Variants in ERC1 observed in about 807,000 individuals in gnomAD.
The protein encoded by ERC1 is ELKS/RAB6-interacting/CAST family member 1, also known as RAB6 interacting protein 2.
A neutral mutation model predicts 132.0 loss-of-function variants in ERC1; 56 were observed. The ratio of observed to expected loss-of-function variants is 0.42; its 90% confidence interval spans 0.34 to 0.53. The LOEUF (loss-of-function observed/expected upper bound fraction) is 0.53. ERC1 is among the 20% of genes least tolerant of loss of function. The pLI is 0.03. For missense variants in ERC1, 1,202 were observed against 1,349.9 expected, an observed-to-expected ratio of 0.89 and a Z score of 1.72; for synonymous variants, 478 against 476.1, an observed-to-expected ratio of 1.00 and a Z score of -0.05.
At chr12:1,075,746 A>C (rs1427591477) in intron 2 of ERC1, among the ~76,000 whole-genome samples, 1 of 152,182 alleles carries the variant, frequency 6.6e-6, no homozygotes, top group Non-Finnish European at 1.5e-5. Flanking sequence ...AAAAAAAAGA[A>C]AATCACAAGG....
At chr12:1,374,282 G>A (rs1279611767) in intron 16 of ERC1, among the ~76,000 whole-genome samples, 1 of 152,186 alleles carries the variant, frequency 6.6e-6, no homozygotes, top group African/African-American at 2.4e-5. Context: ...GCGTTCACAT[G>A]TGATTCCTAT....
chr12:1,132,698 G>C (rs1308198465), intron 7 of ERC1, among the ~76,000 whole-genome samples: 1 of 120,140 alleles, frequency 8.3e-6, no homozygotes, highest in South Asian at 3.4e-4. Flanking sequence ...ACAGATCCAT[G>C]TCCCGCAGAT....
rs1005957949 is a variant in ERC1 at position 1,313,068 on chromosome 12, G to T, written c.2780+23056G>T. On this transcript the variant is annotated intron_variant, in intron 15 of 18. Transcript: ENST00000360905. ...TTATTCTATTAATAGGCAATTTGGG[G>T]CTGCTACAGTGGCTCCATGATACCA... is the stretch of plus-strand genomic sequence containing the variant. Among the ~76,000 whole-genome samples the T allele has an allele frequency of 2.6e-5, 4 of 152,176 alleles. No individual in the cohort carries two copies. The East Asian group carries it at 5.8e-4, about 22-fold the overall frequency.
chr12:1,451,255 A>C (rs1017544907), intron 18 of ERC1, among the ~76,000 whole-genome samples: 1 of 152,082 alleles, frequency 6.6e-6, no homozygotes, highest in Non-Finnish European at 1.5e-5. Flanking sequence ...CCATTTTCAA[A>C]AATCTTTGTT....
intron 16 of ERC1, among the ~76,000 whole-genome samples, chr12:1,379,152 G>T (rs1435272653): frequency 7.9e-5 from 12 of 152,008 alleles, no homozygotes; most frequent in Admixed American, 7.9e-4. Flanking sequence ...CTGTCTTTGG[G>T]GTGGCCACAC....
intron 5 of ERC1, among the ~76,000 whole-genome samples, chr12:1,110,643 G>T (rs146427618): frequency 1.5e-3 from 235 of 152,284 alleles, no homozygotes; most frequent in African/African-American, 5.6e-3. Context: ...ACTTCCAGAT[G>T]AGTTTTTCTC....
intron 18 of ERC1, among the ~76,000 whole-genome samples, chr12:1,485,118 G>A (rs921542133): frequency 6.7e-6 from 1 of 149,422 alleles, no homozygotes. Context: ...TGAACTCCTA[G>A]GCTCAAGTGA....
At chr12:1,102,647 G>T (rs1944800485) in intron 3 of ERC1, among the ~76,000 whole-genome samples, 1 of 152,216 alleles carries the variant, frequency 6.6e-6, no homozygotes, top group Non-Finnish European at 1.5e-5. Context: ...AGCTACTGTT[G>T]TAGGTGCTTT....
chr12:1,137,934 A>AT (rs1402070964), intron 7 of ERC1, among the ~76,000 whole-genome samples: 6 of 139,926 alleles, frequency 4.3e-5, no homozygotes, highest in Admixed American at 3.1e-4. Flanking sequence ...CATATTATAT[A>AT]ATATATAATA....
chr12:1,250,146 C>A (rs1044657418), intron 13 of ERC1, among the ~76,000 whole-genome samples: 1 of 152,218 alleles, frequency 6.6e-6, no homozygotes, highest in Non-Finnish European at 1.5e-5. Flanking sequence ...CTTGGCTTCT[C>A]TGTTTTACAC....
intron 15 of ERC1, among the ~76,000 whole-genome samples, chr12:1,365,835 G>C (rs1188587552): frequency 6.6e-6 from 1 of 152,184 alleles, no homozygotes; most frequent in East Asian, 1.9e-4. Context: ...GTCCATGTTG[G>C]ATAAATGGAT....
chr12:1,321,089 T>TGCAG (rs886581307), intron 15 of ERC1, among the ~76,000 whole-genome samples: 1 of 152,224 alleles, frequency 6.6e-6, no homozygotes, highest in Non-Finnish European at 1.5e-5. Context: ...AATATCCATG[T>TGCAG]GCAGGCACAC....
At chr12:1,408,367 T>G in intron 17 of ERC1, 120 bp downstream of exon 17, 1 of 634,040 alleles carries the variant, frequency 1.6e-6, no homozygotes, top group Non-Finnish European at 2.6e-6. Context: ...AAATAGCTAA[T>G]TCAGTTCTGA....
chr12:1,491,027 T>C lies in ERC1; in HGVS notation c.*797T>C, dbSNP rs1313270409. On this transcript the variant is annotated 3_prime_UTR_variant, in exon 19 of 19. Transcript: ENST00000360905. ...ATCAAATATCTCTAATTGAAGAACA[T>C]GTGAGGTTGAAAGAGCACCAGCCAG... The C allele has an allele frequency of 4.3e-6, 1 of 232,770 alleles. No individual in the cohort carries two copies. The highest frequency in any genetic ancestry group is 8.5e-6 in the Non-Finnish European group (1 of 117,806). The allele number at this position is 232,770 out of a possible 1,614,324, so 14.4% of individuals were successfully genotyped here.
In ERC1 at chr12:1,042,447, C is replaced by T. The variant is rs146262228; in HGVS notation, c.669+13875C>T. On this transcript the variant is annotated intron_variant, in intron 2 of 18. Transcript: ENST00000360905. The stretch of plus-strand genomic sequence containing the variant: ...TGTAACCTCCACCTCCCGGGTTCAA[C>T]CGGTTCTCTTGCTTCAGCCTCCAGA... Among the ~76,000 whole-genome samples the T allele has an allele frequency of 4.0e-3, 594 of 147,602 alleles. 2 individuals carry two copies. The highest frequency in any genetic ancestry group is 0.014 in the African/African-American group (573 of 40,232).
intron 17 of ERC1, among the ~76,000 whole-genome samples, chr12:1,417,932 T>C (rs11061752): frequency 2.1e-3 from 314 of 152,344 alleles, no homozygotes; most frequent in African/African-American, 7.2e-3. Flanking sequence ...AATCACATTG[T>C]AAGCATGTTT....
In ERC1 at chr12:1,083,202, G is replaced by A; in HGVS notation, c.708G>A (p.Leu236=). Residue 236 remains leucine, a synonymous_variant, in exon 3 of 19, where the codon TTG becomes TTA. Transcript: ENST00000360905. ...QMTIQALQDE[L]RIQRDLNQLF... ...CAATCCAGGCTCTCCAGGATGAATT[G>A]CGGATCCAGAGGGACCTGAATCAGC... 1 of 1,613,938 alleles carries A rather than the reference G, an allele frequency of 6.2e-7. No individual in the cohort carries two copies. Among genetic ancestry groups the A allele is most frequent in the Middle Eastern group, 1.7e-4 (1 of 6,058 alleles).
At chr12:1,076,591 C>T (rs1301363702) in intron 2 of ERC1, among the ~76,000 whole-genome samples, 1 of 152,156 alleles carries the variant, frequency 6.6e-6, no homozygotes, top group East Asian at 1.9e-4. Flanking sequence ...AACGGGGTTT[C>T]ACCATGGTGG....
At chr12:1,174,101 T>G (rs1440642852) in intron 8 of ERC1, among the ~76,000 whole-genome samples, 1 of 152,254 alleles carries the variant, frequency 6.6e-6, no homozygotes, top group African/African-American at 2.4e-5. Flanking sequence ...GCTCAGCTGT[T>G]AGCCATCATG....
Sources: gnomAD v4.1 joint callset for allele counts (sites outside exome capture counted in the v4.1 genomes callset) on GRCh38, gnomAD v4.1.1 for gene constraint, MANE v1.5 for transcripts, NCBI Gene and HGNC (gene_info 2026-07-23, HGNC 2026-07-21) for gene names.